SRD5A1: variants seen among roughly 807,000 people sequenced by gnomAD.
The protein encoded by SRD5A1 is 3-oxo-5-alpha-steroid 4-dehydrogenase 1.
Under a neutral mutation model 28.2 loss-of-function variants are expected in SRD5A1, and 22 were observed. The observed-to-expected ratio is 0.78, with a 90% CI of 0.56 to 1.12. The LOEUF (loss-of-function observed/expected upper bound fraction) is 1.12, where lower values mean the gene tolerates loss of function less well. SRD5A1 is among the 50% of genes most tolerant of loss of function. SRD5A1 has a pLI of 0.00. For missense variants in SRD5A1, 300 were observed against 346.7 expected (o/e 0.87, Z 1.07); for synonymous variants, 151 against 135.0 (o/e 1.12, Z -0.82).
chr5:6,663,095 C>G, intron 4 of SRD5A1, 129 bp downstream of exon 4: 1 of 1,199,002 alleles, frequency 8.3e-7, no homozygotes. Flanking sequence ...TTTGGCCAAA[C>G]AAGTACAAAA....
intron 1 of SRD5A1, among the ~76,000 whole-genome samples, chr5:6,637,828 T>C (rs961630954): frequency 6.6e-6 from 1 of 152,188 alleles, no homozygotes; most frequent in African/African-American, 2.4e-5. Context: ...GTCCATGACC[T>C]TGTGGGACTT....
chr5:6,649,342 C>G (rs530595426), intron 1 of SRD5A1, among the ~76,000 whole-genome samples: 2 of 152,310 alleles, frequency 1.3e-5, no homozygotes, highest in African/African-American at 4.8e-5. Context: ...CCCCCAGGTG[C>G]TCTGTCCCAG....
intron 2 of SRD5A1, among the ~76,000 whole-genome samples, chr5:6,653,170 C>T (rs900568959): frequency 5.9e-5 from 9 of 152,170 alleles, no homozygotes; most frequent in African/African-American, 2.2e-4. Flanking sequence ...AGATCCCTTT[C>T]ACATTTCTCA....
rs149257435 is a variant in SRD5A1, at chr5:6,637,221, T to C, written c.293+3352T>C. 5.7e-4 allele frequency among the ~76,000 whole-genome samples: 87 copies of C among 152,188 alleles called. 1 individual carries two copies. The highest frequency in any genetic ancestry group is 1.7e-3 in the South Asian group (8 of 4,830). ...CTCCTGGCAGGCCTCCCTAGGGCCT[T>C]CCGAAGCCTGTGCCTACTCCTATCA... On this transcript the variant is annotated intron_variant, in intron 1 of 4. Coordinates refer to ENST00000274192, the MANE Select transcript of SRD5A1 (RefSeq NM_001047.4).
intron 1 of SRD5A1, among the ~76,000 whole-genome samples, chr5:6,640,809 C>T (rs1240075847): frequency 7.2e-5 from 11 of 152,296 alleles, no homozygotes; most frequent in African/African-American, 1.7e-4. Flanking sequence ...GTTTTGTATT[C>T]GTTAGCTTGT....
intron 2 of SRD5A1, 134 bp from the exon 3 acceptor site, chr5:6,655,944 C>T (rs1738818098): frequency 1.5e-6 from 1 of 657,980 alleles, no homozygotes; most frequent in East Asian, 2.8e-5. Context: ...GTTTTTACTA[C>T]CAGTTATGGC....
chr5:6,649,228 C>A (rs1579402337), intron 1 of SRD5A1, among the ~76,000 whole-genome samples: 2 of 152,258 alleles, frequency 1.3e-5, no homozygotes, highest in Non-Finnish European at 2.9e-5. Context: ...GGAGGTTGTC[C>A]CTTATCAGAG....
chr5:6,658,479 C>A (rs184436752), intron 3 of SRD5A1, among the ~76,000 whole-genome samples: 1 of 152,190 alleles, frequency 6.6e-6, no homozygotes, highest in Admixed American at 6.5e-5. Context: ...AGCATGTAGC[C>A]GCCTTCCTGA....
At chr5:6,646,088 T>A (rs562250967) in intron 1 of SRD5A1, among the ~76,000 whole-genome samples, 2 of 152,274 alleles carry the variant, frequency 1.3e-5, no homozygotes, top group East Asian at 1.9e-4. Flanking sequence ...AGTGAAGACA[T>A]GCAGTATTTT....
intron 1 of SRD5A1, chr5:6,645,220 T>C: frequency 3.1e-6 from 1 of 321,904 alleles, no homozygotes; most frequent in Non-Finnish European, 6.1e-6. Flanking sequence ...TTCATAACCA[T>C]AACTAATGAC....
intron 4 of SRD5A1, among the ~76,000 whole-genome samples, chr5:6,665,594 G>A (rs1194895555): frequency 3.3e-5 from 5 of 152,048 alleles, no homozygotes; most frequent in Admixed American, 2.6e-4. Context: ...CTCACTTCCC[G>A]GTGAAGATGC....
chr5:6,642,566 A>G (rs1738396128), intron 1 of SRD5A1, among the ~76,000 whole-genome samples: 1 of 152,244 alleles, frequency 6.6e-6, no homozygotes. Context: ...CATGGAAAGT[A>G]CAGAACGCAG....
chr5:6,640,991 A>T (rs1001244478), intron 1 of SRD5A1, among the ~76,000 whole-genome samples: 1 of 152,164 alleles, frequency 6.6e-6, no homozygotes, highest in Admixed American at 6.6e-5. Flanking sequence ...CCTCTATGGA[A>T]GGGTGATTTT....
At chr5:6,656,813 G>A (rs1738847753) in intron 3 of SRD5A1, among the ~76,000 whole-genome samples, 1 of 152,152 alleles carries the variant, frequency 6.6e-6, no homozygotes, top group Admixed American at 6.5e-5. Context: ...TTCAACCTGA[G>A]TCTCAAAGAA....
rs2126558940 is a variant in SRD5A1 at position 6,669,596 on chromosome 5, A to G, written c.*1328A>G. On this transcript the variant is annotated 3_prime_UTR_variant, in exon 5 of 5. Transcript: ENST00000274192. ...CTCAAATTCTTTTACTAATTGTTACATCGAAACATTCTTTCATCATATTTC... is the reference window on the plus strand; with the variant it reads ...CTCAAATTCTTTTACTAATTGTTACGTCGAAACATTCTTTCATCATATTTC... 6.6e-6 allele frequency: 1 copy of G among 152,382 alleles called. No individual in the cohort carries two copies. The highest frequency in any genetic ancestry group is 3.4e-3 in the Middle Eastern group (1 of 294). 9.4% of individuals were successfully genotyped at this position (152,382 alleles called of 1,614,324 possible). A position where few individuals can be genotyped will look rare whatever the true frequency, so the allele number is the denominator to read the frequency against.
At position 6,668,848 on chromosome 5, in the gene SRD5A1, T is replaced by TAG. The variant is rs1291389280; in HGVS notation, c.*580_*581insAG. 145 of 152,432 alleles carry TAG rather than the reference T, an allele frequency of 9.5e-4. No homozygotes were observed. Among genetic ancestry groups the TAG allele is most frequent in the African/African-American group, 3.4e-3 (140 of 41,572 alleles). The allele number at this position is 152,432 out of a possible 1,614,324, so 9.4% of individuals were successfully genotyped here. On this transcript the variant is annotated 3_prime_UTR_variant, in exon 5 of 5. Coordinates refer to ENST00000274192, the MANE Select transcript of SRD5A1 (RefSeq NM_001047.4). ...AGAGGAGGAAGCTCCTCGTGGCCCT[T>TAG]CCAAGGTGAGGCAAAGGCATCTGGA...
intron 1 of SRD5A1, among the ~76,000 whole-genome samples, chr5:6,648,851 T>A (rs986680671): frequency 7.9e-5 from 12 of 152,248 alleles, no homozygotes; most frequent in African/African-American, 2.9e-4. Flanking sequence ...GCATTCTGGC[T>A]TTTTGAATTT....
intron 3 of SRD5A1, among the ~76,000 whole-genome samples, chr5:6,661,751 T>TC (rs1739009197): frequency 6.6e-6 from 1 of 152,064 alleles, no homozygotes; most frequent in Non-Finnish European, 1.5e-5. Context: ...CAGGCTGGTC[T>TC]CCAACTCCTG....
intron 3 of SRD5A1, among the ~76,000 whole-genome samples, chr5:6,661,796 G>A (rs1232130898): frequency 1.3e-5 from 2 of 152,046 alleles, no homozygotes; most frequent in Non-Finnish European, 2.9e-5. Flanking sequence ...GCCTCCCAAA[G>A]TTCTGGGATT....
Sources: allele counts gnomAD v4.1 joint callset (sites outside exome capture counted in the v4.1 genomes callset), GRCh38; gene constraint gnomAD v4.1.1; transcripts MANE v1.5; gene names NCBI Gene and HGNC (gene_info 2026-07-23, HGNC 2026-07-21).